PFKP: variants seen among roughly 807,000 people sequenced by gnomAD.
The protein encoded by PFKP is phosphofructokinase, platelet.
PFKP carries 101 observed loss-of-function variants against 94.3 expected under a neutral mutation model. The ratio of observed to expected loss-of-function variants is 1.07; its 90% CI spans 0.91 to 1.26. The LOEUF (loss-of-function observed/expected upper bound fraction) is 1.26. Ranked by LOEUF, PFKP falls within the 50% of genes most tolerant of loss-of-function variation. The probability of loss-of-function intolerance (pLI) is 0.00; values close to 1 mark genes in which losing one functional copy is unlikely to be tolerated. For synonymous variants in PFKP, 573 were observed against 432.6 expected, an observed-to-expected ratio of 1.32 and a Z score of -4.03; for missense variants, 1,145 against 1,103.3, an observed-to-expected ratio of 1.04 and a Z score of -0.53.
intron 1 of PFKP, among the ~76,000 whole-genome samples, chr10:3,068,340 C>A (rs1156350148): frequency 6.6e-6 from 1 of 152,096 alleles, no homozygotes; most frequent in Admixed American, 6.5e-5. Flanking sequence ...CCTGGCGTCT[C>A]CAGGGCGGTC....
intron 1 of PFKP, chr10:3,069,432 G>C: frequency 6.5e-7 from 1 of 1,548,154 alleles, no homozygotes; most frequent in Non-Finnish European, 8.8e-7. Context: ...GACCCAGAGT[G>C]GCTTCTCAGT....
chr10:3,102,915 G>C (rs1473952360), intron 4 of PFKP, among the ~76,000 whole-genome samples: 1 of 152,230 alleles, frequency 6.6e-6, no homozygotes, highest in African/African-American at 2.4e-5. Context: ...GTCTGGCACA[G>C]CACAGTGAGT....
At chr10:3,107,381 G>T in intron 8 of PFKP, 72 bp downstream of exon 8, 2 of 889,994 alleles carry the variant, frequency 2.2e-6, no homozygotes, top group South Asian at 2.8e-5. Flanking sequence ...TCATGGGCAG[G>T]CTTGGTTTAG....
At chr10:3,129,788 C>A (rs373188817) in intron 16 of PFKP, 31 bp from the exon 17 acceptor site, 4 of 1,611,288 alleles carry the variant, frequency 2.5e-6, no homozygotes, top group Admixed American at 1.7e-5. Flanking sequence ...CGGGCCTGGG[C>A]TGGAGTGACT....
rs1041494634 is a variant in PFKP at position 3,116,782 on chromosome 10, G to A, written c.1378G>A (p.Glu460Lys). ...FDGFAKGQIK[E>K]IGWTDVGGWT... ...TTCTGTGTTTGCACATTAGATCAAA[G>A]AAATCGGCTGGACAGATGTCGGGGG... The change falls in exon 14 of 22, where the codon GAA becomes AAA. Residue 460 changes from glutamate (E) to lysine (K), a missense_variant. By Grantham distance (56) the Glu-to-Lys change is moderately conservative. This residue lies in a region of PFKP where 1,119 missense variants were observed against 1,062.8 expected (regional missense o/e 1.05). Coordinates refer to ENST00000381125, the MANE Select transcript of PFKP (RefSeq NM_002627.5). 2 of 1,613,320 alleles carry A rather than the reference G, an allele frequency of 1.2e-6. No individual in the cohort carries two copies. The highest frequency in any genetic ancestry group is 1.7e-6 in the Non-Finnish European group (2 of 1,179,360).
At chr10:3,098,219 A>G (rs979367376) in intron 2 of PFKP, among the ~76,000 whole-genome samples, 4 of 152,184 alleles carry the variant, frequency 2.6e-5, no homozygotes, top group Admixed American at 6.5e-5. Context: ...TGGATCCAAC[A>G]ATAATCTATC....
chr10:3,084,732 TCCCCAGGAGAGTCCTCCAGCCCC>T, intron 2 of PFKP, among the ~76,000 whole-genome samples: 1 of 117,130 alleles, frequency 8.5e-6, no homozygotes, highest in Non-Finnish European at 1.9e-5. Context: ...CTCCAGCCCC[TCCCCAGGAGAGTCCTCCAGCCCC>T]TCCCCAGGAG....
At chr10:3,079,649 T>TCA (rs1832875608) in intron 1 of PFKP, among the ~76,000 whole-genome samples, 1 of 47,832 alleles carries the variant, frequency 2.1e-5, no homozygotes, top group Non-Finnish European at 4.7e-5. Context: ...AACGAGGTCT[T>TCA]CAGAGAGCGG....
At chr10:3,134,778 G>C (rs1839033089) in intron 20 of PFKP, among the ~76,000 whole-genome samples, 196 bp downstream of exon 20, 1 of 152,230 alleles carries the variant, frequency 6.6e-6, no homozygotes, top group Admixed American at 6.5e-5. Context: ...AGATCAGCTT[G>C]GGTATGACAT....
chr10:3,083,370 T>C (rs1272434919), intron 2 of PFKP, among the ~76,000 whole-genome samples: 1 of 151,646 alleles, frequency 6.6e-6, no homozygotes, highest in African/African-American at 2.4e-5. Flanking sequence ...CAGTATTAAT[T>C]TCAGAAATTA....
intron 11 of PFKP, among the ~76,000 whole-genome samples, chr10:3,112,689 C>T (rs1368665450): frequency 6.6e-6 from 1 of 152,208 alleles, no homozygotes; most frequent in African/African-American, 2.4e-5. Flanking sequence ...TCCCAAGTAG[C>T]TGCGACTACC....
At chr10:3,099,933 G>A (rs2131530888) in intron 3 of PFKP, among the ~76,000 whole-genome samples, 1 of 151,916 alleles carries the variant, frequency 6.6e-6, no homozygotes, top group South Asian at 2.1e-4. Flanking sequence ...AGGTGTGTGA[G>A]TCTGAGTGTG....
Position 3,087,984 on chromosome 10 carries a change from C to CTTTTTTTTTTT in PFKP, c.186+5535_186+5545dup, listed in dbSNP as rs1224829610. ...ATATAAAAATCCTGTATCTTTCATT[C>CTTTTTTTTTTT]TTTTTTTTTTTTTTTTTTTTTTACA... On this transcript the variant is annotated intron_variant, in intron 2 of 21. Transcript: ENST00000381125. Among the ~76,000 whole-genome samples the CTTTTTTTTTTT allele has an allele frequency of 1.4e-3, 134 of 96,494 alleles. 1 individual carries two copies. Among genetic ancestry groups the CTTTTTTTTTTT allele is most frequent in the Middle Eastern group, 6.7e-3 (1 of 150 alleles). 63.3% of individuals were successfully genotyped at this position (96,494 alleles called of 152,430 possible). A position where few individuals can be genotyped will look rare whatever the true frequency, so the allele number is the denominator to read the frequency against.
At chr10:3,077,468 C>T (rs200148092) in intron 1 of PFKP, among the ~76,000 whole-genome samples, 77 of 151,630 alleles carry the variant, frequency 5.1e-4, no homozygotes, top group Non-Finnish European at 6.0e-4. Flanking sequence ...GGGTTTCACC[C>T]TGTTAGCCAG....
intron 1 of PFKP, among the ~76,000 whole-genome samples, chr10:3,078,536 A>G (rs898341447): frequency 3.3e-5 from 5 of 152,270 alleles, no homozygotes; most frequent in Admixed American, 2.6e-4. Context: ...TGGCCTCAGC[A>G]GGTATTATTT....
chr10:3,081,391 A>G (rs1300439538), intron 1 of PFKP, among the ~76,000 whole-genome samples: 6 of 152,262 alleles, frequency 3.9e-5, no homozygotes, highest in Non-Finnish European at 5.9e-5. Context: ...CACTGGCTTC[A>G]TGGCCCACGA....
Position 3,108,684 on chromosome 10 carries a change from G to A in PFKP, c.871-17G>A, listed in dbSNP as rs1316576616. 26 of 1,602,734 alleles carry A rather than the reference G, an allele frequency of 1.6e-5. No individual in the cohort carries two copies. The highest frequency in any genetic ancestry group is 3.3e-5 in the Admixed American group (2 of 59,978). On this transcript the variant is annotated splice_polypyrimidine_tract_variant and intron_variant, in intron 8 of 21. Transcript: ENST00000381125. ...CCGCATCACAGTTCCGCATCCTAAC[G>A]AGATGTTTCCTTGCAGCTTGTCGTC...
intron 1 of PFKP, among the ~76,000 whole-genome samples, chr10:3,070,898 A>AATTATTATT (rs142048993): frequency 1.7e-4 from 24 of 140,310 alleles, no homozygotes; most frequent in African/African-American, 3.2e-4. Flanking sequence ...ATGACCAGCT[A>AATTATTATT]ATTATTATTA....
chr10:3,126,043 TTTACC>T (rs1459384943), intron 16 of PFKP, among the ~76,000 whole-genome samples: 2 of 152,168 alleles, frequency 1.3e-5, no homozygotes, highest in African/African-American at 2.4e-5. Context: ...GCCACTGGCC[TTTACC>T]TTACATCTTG....
Sources: gnomAD v4.1 joint callset for allele counts (sites outside exome capture counted in the v4.1 genomes callset) on GRCh38, gnomAD v4.1.1 for gene constraint, gnomAD v4.1.1 regional missense constraint, MANE v1.5 for transcripts, NCBI Gene and HGNC (gene_info 2026-07-23, HGNC 2026-07-21) for gene names.